Variants in TNXB observed in about 807,000 individuals in gnomAD.
TNXB encodes tenascin-X.
A neutral mutation model predicts 340.5 loss-of-function variants in TNXB; 183 were observed. The ratio of observed to expected loss-of-function variants is 0.54; its 90% confidence interval spans 0.48 to 0.61. The LOEUF is 0.61. Ranked by LOEUF, TNXB falls within the 20% of genes least tolerant of loss-of-function variation. The probability of loss-of-function intolerance (pLI) is 0.00; values close to 1 mark genes in which losing one functional copy is unlikely to be tolerated. For missense variants in TNXB, 4,613 were observed against 5,446.4 expected (o/e 0.85, Z 4.82); for synonymous variants, 2,121 against 2,314.5 (o/e 0.92, Z 2.40).
At position 32,053,935 on chromosome 6, in the gene TNXB, T is replaced by A. The variant is rs375574273; in HGVS notation, c.8468-224A>T. On this transcript the variant is annotated intron_variant, in intron 24 of 43. Transcript: ENST00000644971. Reference sequence around the variant, plus strand: ...CCCACCTCCCAACACCCAGGCCACCTCTCCCTGTCCCTCCAGCACCGCCTC... The same window carrying A: ...CCCACCTCCCAACACCCAGGCCACCACTCCCTGTCCCTCCAGCACCGCCTC... 6.9e-5 allele frequency among the ~76,000 whole-genome samples: 6 copies of A among 87,098 alleles called. No individual in the cohort carries two copies. The East Asian group carries it at 1.5e-3, about 21-fold the overall frequency. 57.1% of individuals were successfully genotyped at this position (87,098 alleles called of 152,430 possible). A position where few individuals can be genotyped will look rare whatever the true frequency, so the allele number is the denominator to read the frequency against.
In TNXB at chr6:32,049,614, G is replaced by A. The variant is rs1290432244; in HGVS notation, c.9440-27C>T. ...TGCAGTGGAGAAGGAGGGAGAGAGA[G>A]TGAGGGGGATGTCCTTGGGTCCTGG... On this transcript the variant is annotated intron_variant, in intron 27 of 43. Transcript: ENST00000644971. This position sits in a 1 kb window ranked among gnomAD's most constrained non-coding sequence, Gnocchi z 4.5. 1.2e-6 allele frequency: 2 copies of A among 1,600,894 alleles called. No individual in the cohort carries two copies. Among genetic ancestry groups the A allele is most frequent in the East Asian group, 2.2e-5 (1 of 44,624 alleles).
In TNXB at chr6:32,089,996, C is replaced by T. The variant is rs1780005550; in HGVS notation, c.2359-617G>A. On this transcript the variant is annotated intron_variant, in intron 4 of 43. Coordinates refer to ENST00000644971, the MANE Select transcript of TNXB (RefSeq NM_001365276.2). The surrounding 1 kb of genome is among the most constrained non-coding windows in gnomAD (Gnocchi z 6.2). ...CCCTGAACCTCCTCGTAGATGCCTG[C>T]TCATGGCTGTGTAACAGGAGTGGGA... 6.6e-6 allele frequency among the ~76,000 whole-genome samples: 1 copy of T among 152,210 alleles called. No individual in the cohort carries two copies. The highest frequency in any genetic ancestry group is 6.5e-5 in the Admixed American group (1 of 15,280).
In TNXB at chr6:32,049,639, G is replaced by A. The variant is rs1050221538; in HGVS notation, c.9440-52C>T. The A allele has an allele frequency of 1.3e-6, 2 of 1,562,350 alleles. No individual in the cohort carries two copies. The highest frequency in any genetic ancestry group is 1.8e-5 in the Admixed American group (1 of 55,320). On this transcript the variant is annotated intron_variant, in intron 27 of 43. Coordinates refer to ENST00000644971, the MANE Select transcript of TNXB (RefSeq NM_001365276.2). The surrounding 1 kb of genome is among the most constrained non-coding windows in gnomAD (Gnocchi z 4.5). ...GTGAGGGGGATGTCCTTGGGTCCTG[G>A]GGAAAAGGAGGGAGAAGCCAAGGCT...
Position 32,085,618 on chromosome 6 carries a change from C to A in TNXB, c.3148+132G>T. ...TGCAATTCCTTTTCTCTCCTTTTCT[C>A]CTCTATCCAGCCCCAAACATCAGCC... On this transcript the variant is annotated intron_variant, in intron 7 of 43. Coordinates refer to ENST00000644971, the MANE Select transcript of TNXB (RefSeq NM_001365276.2). The surrounding 1 kb of genome is among the most constrained non-coding windows in gnomAD (Gnocchi z 6.4). The A allele has an allele frequency of 9.2e-7, 1 of 1,083,754 alleles. No homozygotes were observed. The highest frequency in any genetic ancestry group is 3.2e-5 in the Admixed American group (1 of 30,830). 67.1% of individuals were successfully genotyped at this position (1,083,754 alleles called of 1,614,324 possible).
chr6:32,089,449 C>T lies in TNXB; in HGVS notation c.2359-70G>A. ...CTCTGCTGCTCAATCCCCCTTATCT[C>T]TTCTTTCTCCAATTCTAAACAGTGT... On this transcript the variant is annotated intron_variant, in intron 4 of 43. Transcript: ENST00000644971. This position sits in a 1 kb window ranked among gnomAD's most constrained non-coding sequence, Gnocchi z 6.2. 6.6e-7 allele frequency: 1 copy of T among 1,522,364 alleles called. No homozygotes were observed. Among genetic ancestry groups the T allele is most frequent in the East Asian group, 2.4e-5 (1 of 41,274 alleles). 94.3% of individuals were successfully genotyped at this position (1,522,364 alleles called of 1,614,324 possible).
rs374187712 is a variant in TNXB, at chr6:32,049,302, C to T, written c.9725G>A (p.Arg3242His). ...GCCCACGGTGGACACTGGGCCCACG[C>T]GCTGCCCCTCGTGGAGGCCGTACAG... ...MHLYGLHEGQ[R>H]VGPVSTVGIT... is the part of the protein sequence containing the mutation. The change falls in exon 28 of 44, where the codon CGC (arginine) becomes CAC (histidine). Residue 3242 changes from arginine (R) to histidine (H), a missense_variant. Physicochemically the swap from Arg to His is conservative, Grantham distance 29. Transcript: ENST00000644971. This position sits in a 1 kb window ranked among gnomAD's most constrained non-coding sequence, Gnocchi z 4.5. The T allele has an allele frequency of 7.6e-5, 123 of 1,612,020 alleles. No individual in the cohort carries two copies. Among genetic ancestry groups the T allele is most frequent in the Non-Finnish European group, 9.6e-5 (113 of 1,179,708 alleles).
At chr6:32,104,779 G>A (rs751372063) in intron 1 of TNXB, among the ~76,000 whole-genome samples, 3 of 152,100 alleles carry the variant, frequency 2.0e-5, no homozygotes, top group Non-Finnish European at 4.4e-5. Context: ...GGGACTACAG[G>A]TGTGTGCCAT....
chr6:32,048,092 T>G (rs1189021662), intron 29 of TNXB, 80 bp from the exon 30 acceptor site: 2 of 1,495,760 alleles, frequency 1.3e-6, no homozygotes, highest in Non-Finnish European at 1.8e-6. Context: ...TATGGCTCTG[T>G]GAGCCGGTCC....
chr6:32,067,180 AAAG>A lies in TNXB; in HGVS notation c.6544+478_6544+480del, dbSNP rs1457277068. On this transcript the variant is annotated intron_variant, in intron 18 of 43. Transcript: ENST00000644971. This position sits in a 1 kb window ranked among gnomAD's most constrained non-coding sequence, Gnocchi z 4.2. ...GAAAGAAAGAAAGAAAGAAAGAAAG[AAAG>A]AAAACATTCTAGTGATTCTAGTGGA... Among the ~76,000 whole-genome samples, 3 of 149,980 alleles carry A rather than the reference AAAG, an allele frequency of 2.0e-5. No individual in the cohort carries two copies. The highest frequency in any genetic ancestry group is 4.4e-5 in the Non-Finnish European group (3 of 67,468).
intron 11 of TNXB, among the ~76,000 whole-genome samples, chr6:32,078,784 C>A (rs889305890): frequency 4.6e-5 from 7 of 152,244 alleles, no homozygotes; most frequent in Non-Finnish European, 8.8e-5. Flanking sequence ...ACTCACTTAA[C>A]CCTCACAATA....
Position 32,082,848 on chromosome 6 carries a change from G to A in TNXB, c.3446-522C>T, listed in dbSNP as rs145111358. 2.8e-4 allele frequency among the ~76,000 whole-genome samples: 42 copies of A among 152,256 alleles called. No individual in the cohort carries two copies. The highest frequency in any genetic ancestry group is 9.4e-4 in the African/African-American group (39 of 41,536). On this transcript the variant is annotated intron_variant, in intron 8 of 43. Transcript: ENST00000644971. The surrounding 1 kb of genome is among the most constrained non-coding windows in gnomAD (Gnocchi z 5.0). Reference sequence around the variant, plus strand: ...GACCCATGGATGGACTCCCTCGCCTGCAGCACTGACCCTTCACTCCCCAGC... The same window carrying A: ...GACCCATGGATGGACTCCCTCGCCTACAGCACTGACCCTTCACTCCCCAGC...
Position 32,049,521 on chromosome 6 carries a change from A to G in TNXB, c.9506T>C (p.Leu3169Pro). 4 of 1,612,540 alleles carry G rather than the reference A, an allele frequency of 2.5e-6. No homozygotes were observed. The highest frequency in any genetic ancestry group is 3.4e-6 in the Non-Finnish European group (4 of 1,179,838). ...GGATCCTGTCACTGTCAACTCCCCC[A>G]GGAGCGGCTCCTCAGGGGCCTCCGG... ...EAPEAPEEPL[L>P]GELTVTGSSP... The change falls in exon 28 of 44, where the codon CTG becomes CCG. Residue 3169 changes from leucine (L) to proline (P), a missense_variant. Leu to Pro is a moderately conservative substitution (Grantham distance 98). This residue lies in a region of TNXB where 4,327 missense variants were observed against 4,859.4 expected (regional missense o/e 0.89). Coordinates refer to ENST00000644971, the MANE Select transcript of TNXB (RefSeq NM_001365276.2). This position sits in a 1 kb window ranked among gnomAD's most constrained non-coding sequence, Gnocchi z 4.5.
Position 32,061,790 on chromosome 6 carries a change from G to T in TNXB, c.7169-70C>A. 6.4e-7 allele frequency: 1 copy of T among 1,562,988 alleles called. No individual in the cohort carries two copies. Among genetic ancestry groups the T allele is most frequent in the Non-Finnish European group, 8.7e-7 (1 of 1,150,120 alleles). On this transcript the variant is annotated intron_variant, in intron 20 of 43. Coordinates refer to ENST00000644971, the MANE Select transcript of TNXB (RefSeq NM_001365276.2). This position sits in a 1 kb window ranked among gnomAD's most constrained non-coding sequence, Gnocchi z 4.4. ...TGTGCTTACGTCGTGGGGAAAAGGA[G>T]GGAGAAGGCTATGACTAGGGGACAT...
At chr6:32,104,205 G>C (rs532956564) in intron 1 of TNXB, among the ~76,000 whole-genome samples, 5 of 152,134 alleles carry the variant, frequency 3.3e-5, no homozygotes, top group Non-Finnish European at 5.9e-5. Context: ...TAAATTAATA[G>C]ACCTACTGCT....
Position 32,081,626 on chromosome 6 carries a change from G to T in TNXB, c.3784C>A (p.Pro1262Thr), listed in dbSNP as rs1418667724. Residue 1262 changes from proline (P) to threonine (T), a missense_variant, in exon 10 of 44, where the codon CCC becomes ACC. This residue lies in a region of TNXB where 4,327 missense variants were observed against 4,859.4 expected (regional missense o/e 0.89). Coordinates refer to ENST00000644971, the MANE Select transcript of TNXB (RefSeq NM_001365276.2). The surrounding 1 kb of genome is among the most constrained non-coding windows in gnomAD (Gnocchi z 5.1). ...EPPRPEFLEQPLLGELTVTGV... is the reference protein window; with the variant it reads ...EPPRPEFLEQTLLGELTVTGV... ...GTCACTGTCAGTTCCCCCAGGAGGGGCTGCTCCAGGAACTCAGGGCGGGGG... is the reference window on the plus strand; with the variant it reads ...GTCACTGTCAGTTCCCCCAGGAGGGTCTGCTCCAGGAACTCAGGGCGGGGG... 6.3e-7 allele frequency: 1 copy of T among 1,598,840 alleles called. No individual in the cohort carries two copies. Among genetic ancestry groups the T allele is most frequent in the African/African-American group, 1.3e-5 (1 of 74,728 alleles).
Position 32,067,132 on chromosome 6 carries a change from GAAGAAAGAAAGAAAGAAAGAAAGA to G in TNXB, c.6544+505_6544+528del, listed in dbSNP as rs9281648. ...AAGAAAGAGAAAGAAAGAAAGGAAG[GAAGAAAGAAAGAAAGAAAGAAAGA>G]AAGAAAGAAAGAAAGAAAGAAAGAA... On this transcript the variant is annotated intron_variant, in intron 18 of 43. Coordinates refer to ENST00000644971, the MANE Select transcript of TNXB (RefSeq NM_001365276.2). The surrounding 1 kb of genome is among the most constrained non-coding windows in gnomAD (Gnocchi z 4.2). Among the ~76,000 whole-genome samples the G allele has an allele frequency of 1.8e-4, 21 of 118,082 alleles. No individual in the cohort carries two copies. Among genetic ancestry groups the G allele is most frequent in the African/African-American group, 6.6e-4 (20 of 30,508 alleles). 77.5% of individuals were successfully genotyped at this position (118,082 alleles called of 152,430 possible). A position where few individuals can be genotyped will look rare whatever the true frequency, so the allele number is the denominator to read the frequency against.
chr6:32,067,564 G>A lies in TNXB; in HGVS notation c.6544+97C>T. On this transcript the variant is annotated intron_variant, in intron 18 of 43. Transcript: ENST00000644971. The surrounding 1 kb of genome is among the most constrained non-coding windows in gnomAD (Gnocchi z 4.2). The stretch of plus-strand genomic sequence containing the variant: ...CTTTAGTGAACAGGGTGTATTACAG[G>A]TTTGAGGTCTTGGGGTTCTGGGTCC... 1 of 1,458,598 alleles carries A rather than the reference G, an allele frequency of 6.9e-7. No individual in the cohort carries two copies. Among genetic ancestry groups the A allele is most frequent in the Non-Finnish European group, 9.1e-7 (1 of 1,093,244 alleles). The allele number at this position is 1,458,598 out of a possible 1,614,324, so 90.4% of individuals were successfully genotyped here.
chr6:32,049,907 G>T lies in TNXB; in HGVS notation c.9439+91C>A. ...ACAAGCAGTTCTGTGGTGCTGACCA[G>T]ACCCCTGTCCCATTCCCCACCAGTC... On this transcript the variant is annotated intron_variant, in intron 27 of 43. Coordinates refer to ENST00000644971, the MANE Select transcript of TNXB (RefSeq NM_001365276.2). This position sits in a 1 kb window ranked among gnomAD's most constrained non-coding sequence, Gnocchi z 4.5. The T allele has an allele frequency of 1.3e-6, 2 of 1,580,620 alleles. No homozygotes were observed. Among genetic ancestry groups the T allele is most frequent in the South Asian group, 1.1e-5 (1 of 87,194 alleles).
intron 38 of TNXB, 21 bp from the exon 39 acceptor site, chr6:32,042,852 G>C: frequency 2.1e-6 from 1 of 485,192 alleles, no homozygotes; most frequent in South Asian, 2.0e-5. Context: ...GACAAGGGGG[G>C]GTCAGGGGAG....
Sources: allele counts gnomAD v4.1 joint callset (sites outside exome capture counted in the v4.1 genomes callset), GRCh38; gene constraint gnomAD v4.1.1; regional missense constraint gnomAD v4.1.1; non-coding constraint Gnocchi (gnomAD v3.1); transcripts MANE v1.5; gene names NCBI Gene and HGNC (gene_info 2026-07-23, HGNC 2026-07-21).